RAPGEF2: variants seen among roughly 807,000 people sequenced by gnomAD.
RAPGEF2 encodes Rap guanine nucleotide exchange factor 2, also known as PDZ domain containing guanine nucleotide exchange factor (GEF) 1.
Under a neutral mutation model 186.7 loss-of-function variants are expected in RAPGEF2, and 54 were observed. That is an observed-to-expected ratio of 0.29 (90% confidence interval 0.23 to 0.36). RAPGEF2 has a LOEUF of 0.36. Among genes scored for constraint, RAPGEF2 ranks in the 10% least tolerant of loss-of-function variants. The probability of loss-of-function intolerance (pLI) is 1.00; values close to 1 mark genes in which losing one functional copy is unlikely to be tolerated. For synonymous variants in RAPGEF2, 712 were observed against 705.9 expected (o/e 1.01, Z -0.14); for missense variants, 1,532 against 2,045.0 (o/e 0.75, Z 4.84).
At chr4:159,239,878 C>T (rs1165971814) in intron 5 of RAPGEF2, among the ~76,000 whole-genome samples, 1 of 152,150 alleles carries the variant, frequency 6.6e-6, no homozygotes, top group Non-Finnish European at 1.5e-5. Flanking sequence ...TTCTAGGTCT[C>T]TTTTCAGAGA....
chr4:159,187,483 A>G (rs574716229), intron 2 of RAPGEF2, among the ~76,000 whole-genome samples: 2 of 152,344 alleles, frequency 1.3e-5, no homozygotes, highest in South Asian at 4.1e-4. Context: ...AACCTTTTAA[A>G]TTAATCATTT....
chr4:159,345,132 C>T lies in RAPGEF2; in HGVS notation c.3305C>T (p.Ala1102Val). The T allele has an allele frequency of 6.2e-7, 1 of 1,614,066 alleles. No individual in the cohort carries two copies. Among genetic ancestry groups the T allele is most frequent in the Non-Finnish European group, 8.5e-7 (1 of 1,179,958 alleles). The change falls in exon 24 of 30, where the codon GCA (alanine) becomes GTA (valine). Residue 1102 changes from alanine (A) to valine (V), a missense_variant. Ala to Val is a moderately conservative substitution (Grantham distance 64). Transcript: ENST00000691494. The stretch of plus-strand genomic sequence containing the variant: ...TCTCTCAGCCAGGGTAGTACAAATG[C>T]AACAGTGCTAGATGTTGCTCAGACA... Reference protein sequence around the residue: ...LGSLSQGSTNATVLDVAQTGG... With the variant: ...LGSLSQGSTNVTVLDVAQTGG...
At chr4:159,308,972 A>G (rs772776773) in intron 8 of RAPGEF2, among the ~76,000 whole-genome samples, 5 of 152,200 alleles carry the variant, frequency 3.3e-5, no homozygotes, top group African/African-American at 7.2e-5. Context: ...TGGAGATTCA[A>G]TTGAGTTAGT....
intron 7 of RAPGEF2, among the ~76,000 whole-genome samples, chr4:159,267,469 C>G (rs185178652): frequency 2.4e-4 from 36 of 152,284 alleles, no homozygotes; most frequent in African/African-American, 7.7e-4. Context: ...AAATGTCCAT[C>G]AGTGTCATGC....
intron 25 of RAPGEF2, among the ~76,000 whole-genome samples, chr4:159,349,422 G>A (rs1730854947): frequency 6.6e-6 from 1 of 152,198 alleles, no homozygotes; most frequent in South Asian, 2.1e-4. Context: ...ATTTTGAGGA[G>A]GGAAATCATC....
At chr4:159,120,094 A>G (rs918871274) in intron 1 of RAPGEF2, among the ~76,000 whole-genome samples, 2 of 152,160 alleles carry the variant, frequency 1.3e-5, no homozygotes, top group African/African-American at 4.8e-5. Context: ...GTCTCAGCTC[A>G]CTTCAGCCTC....
intron 1 of RAPGEF2, among the ~76,000 whole-genome samples, chr4:159,174,666 A>G: frequency 6.6e-6 from 1 of 152,164 alleles, no homozygotes; most frequent in East Asian, 1.9e-4. Context: ...TTTCCTCTGG[A>G]AAAGAAACCT....
chr4:159,149,318 T>A (rs1335851268), intron 1 of RAPGEF2, among the ~76,000 whole-genome samples: 1 of 152,190 alleles, frequency 6.6e-6, no homozygotes, highest in Non-Finnish European at 1.5e-5. Context: ...TGGAGTGCAG[T>A]GGCGTGATCT....
intron 1 of RAPGEF2, among the ~76,000 whole-genome samples, chr4:159,169,099 C>T (rs1307708059): frequency 6.6e-6 from 1 of 152,126 alleles, no homozygotes; most frequent in Non-Finnish European, 1.5e-5. Flanking sequence ...GTGCTTTGCA[C>T]AGAGCAAGTA....
chr4:159,149,667 A>G (rs1376200111), intron 1 of RAPGEF2, among the ~76,000 whole-genome samples: 3 of 152,202 alleles, frequency 2.0e-5, no homozygotes, highest in Non-Finnish European at 4.4e-5. Flanking sequence ...GAACCAGAGA[A>G]TTATTTTGAG....
intron 7 of RAPGEF2, among the ~76,000 whole-genome samples, chr4:159,297,487 T>G (rs1393826440): frequency 1.3e-5 from 2 of 152,212 alleles, no homozygotes; most frequent in Non-Finnish European, 2.9e-5. Flanking sequence ...TACAGAAATT[T>G]GAATATTTTA....
intron 1 of RAPGEF2, among the ~76,000 whole-genome samples, chr4:159,104,530 G>GAC (rs1473150910): frequency 8.2e-6 from 1 of 121,412 alleles, no homozygotes; most frequent in African/African-American, 3.5e-5. Context: ...GAGAGAGGGA[G>GAC]AGACAGAGAG....
rs569782638 is a variant in RAPGEF2 at position 159,241,941 on chromosome 4, AT to A, written c.525+574del. Among the ~76,000 whole-genome samples, 16 of 152,272 alleles carry A rather than the reference AT, an allele frequency of 1.1e-4. No homozygotes were observed. The East Asian group carries it at 3.1e-3, about 29-fold the overall frequency. On this transcript the variant is annotated intron_variant, in intron 6 of 29. Coordinates refer to ENST00000691494, the MANE Select transcript of RAPGEF2 (RefSeq NM_001394067.2). ...TGCAGTGAAGGAGGAATAATTTGAA[AT>A]AATGCTTTTTAAAATCTCAATGTAA...
chr4:159,229,590 TTTCTC>T (rs1579527571), intron 4 of RAPGEF2: 1 of 152,212 alleles, frequency 6.6e-6, no homozygotes, highest in East Asian at 1.9e-4. Flanking sequence ...AAAGTTTTGT[TTTCTC>T]TATATTATAT....
chr4:159,297,597 T>C (rs909470296), intron 7 of RAPGEF2, among the ~76,000 whole-genome samples: 1 of 152,218 alleles, frequency 6.6e-6, no homozygotes, highest in Non-Finnish European at 1.5e-5. Context: ...TTCCTCTCCA[T>C]ATAAATACAT....
At chr4:159,190,142 G>C (rs202097944) in intron 2 of RAPGEF2, among the ~76,000 whole-genome samples, 3 of 152,236 alleles carry the variant, frequency 2.0e-5, no homozygotes, top group East Asian at 1.9e-4. Flanking sequence ...GGAAAGGCAG[G>C]GTCCACGGTA....
At chr4:159,290,280 T>G (rs1761031726) in intron 7 of RAPGEF2, among the ~76,000 whole-genome samples, 2 of 152,310 alleles carry the variant, frequency 1.3e-5, no homozygotes, top group South Asian at 4.1e-4. Context: ...ACTTCAAGGT[T>G]ATGGAAGTTA....
At chr4:159,179,162 T>C (rs1746763390) in intron 1 of RAPGEF2, among the ~76,000 whole-genome samples, 1 of 151,676 alleles carries the variant, frequency 6.6e-6, no homozygotes, top group Admixed American at 6.6e-5. Flanking sequence ...CATGTTCCTG[T>C]TTGTGCTCAA....
At chr4:159,316,521 A>C (rs760755667) in intron 9 of RAPGEF2, among the ~76,000 whole-genome samples, 5 of 152,034 alleles carry the variant, frequency 3.3e-5, no homozygotes, top group Non-Finnish European at 7.4e-5. Flanking sequence ...CTGTGTGTTC[A>C]TGTGTTCTCA....
Sources: allele counts gnomAD v4.1 joint callset (sites outside exome capture counted in the v4.1 genomes callset), GRCh38; gene constraint gnomAD v4.1.1; transcripts MANE v1.5; gene names NCBI Gene and HGNC (gene_info 2026-07-23, HGNC 2026-07-21).